Variants in CD48 observed in about 807,000 individuals in gnomAD.
CD48 encodes CD48 molecule.
CD48 carries 20 observed loss-of-function variants against 22.0 expected under a neutral mutation model. The ratio of observed to expected loss-of-function variants is 0.91; its 90% CI spans 0.64 to 1.32. The LOEUF (loss-of-function observed/expected upper bound fraction) is 1.32, where lower values mean the gene tolerates loss of function less well. Among genes scored for constraint, CD48 ranks in the 40% most tolerant of loss-of-function variants. The pLI, the probability that CD48 is intolerant of heterozygous loss-of-function variation, is 0.00. For missense variants in CD48, 307 were observed against 286.5 expected (o/e 1.07, Z -0.52); for synonymous variants, 110 against 110.1 (o/e 1.00, Z 0.01).
At position 160,680,904 on chromosome 1, in the gene CD48, C is replaced by T; in HGVS notation, c.652+298G>A. ...TGTTTCAGTCTACTCTATGATGACC[C>T]TGGCCTCAGATGTTAGGACTATGCT... On this transcript the variant is annotated intron_variant, in intron 3 of 3. Transcript: ENST00000368046. 5 of 1,416,216 alleles carry T rather than the reference C, an allele frequency of 3.5e-6. No homozygotes were observed. The South Asian group carries it at 4.7e-5, about 13-fold the overall frequency. The allele number at this position is 1,416,216 out of a possible 1,614,324, so 87.7% of individuals were successfully genotyped here. A position where few individuals can be genotyped will look rare whatever the true frequency, so the allele number is the denominator to read the frequency against.
Position 160,685,181 on chromosome 1 carries a change from C to G in CD48, c.91G>C (p.Val31Leu). 1.2e-6 allele frequency: 2 copies of G among 1,604,266 alleles called. No homozygotes were observed. Among genetic ancestry groups the G allele is most frequent in the Non-Finnish European group, 1.7e-6 (2 of 1,173,034 alleles). Residue 31 changes from valine (V) to leucine (L), a missense_variant, in exon 2 of 4, where the codon GTA becomes CTA. Physicochemically the swap from Val to Leu is conservative, Grantham distance 32 (BLOSUM62 1). Transcript: ENST00000368046. ...LLVTSIQGHL[V>L]HMTVVSGSNV... The stretch of plus-strand genomic sequence containing the variant: ...CTGCCGGAGACCACGGTCATATGTA[C>G]CAAGTGACCTGCCAATGAGATTCAG...
chr1:160,683,454 TC>T (rs1429541438), intron 2 of CD48: 2 of 152,198 alleles, frequency 1.3e-5, no homozygotes, highest in South Asian at 2.1e-4. Flanking sequence ...TTTATTGAAA[TC>T]AACTGTGGTA....
chr1:160,697,926 A>G (rs1662490159), intron 1 of CD48, among the ~76,000 whole-genome samples: 1 of 152,182 alleles, frequency 6.6e-6, no homozygotes, highest in Non-Finnish European at 1.5e-5. Flanking sequence ...CAGTCTTTCT[A>G]CCTTTGGGAA....
In CD48 at chr1:160,684,903, G is replaced by A; in HGVS notation, c.369C>T (p.Ile123=). Residue 123 remains isoleucine, a synonymous_variant, in exon 2 of 4, where the codon ATC becomes ATT. Transcript: ENST00000368046. ...CTGACTCACCAAGCACTTGCAGCTT[G>A]ATCTTCCATTCTTGCTCATTCCCAG... The part of the protein sequence containing the change: ...KKTGNEQEWK[I]KLQVLDPVPK... 1 of 1,614,056 alleles carries A rather than the reference G, an allele frequency of 6.2e-7. No individual in the cohort carries two copies. The highest frequency in any genetic ancestry group is 8.5e-7 in the Non-Finnish European group (1 of 1,180,024).
intron 2 of CD48, among the ~76,000 whole-genome samples, chr1:160,682,648 C>T (rs1251554389): frequency 6.6e-6 from 1 of 151,972 alleles, no homozygotes; most frequent in African/African-American, 2.4e-5. Flanking sequence ...GTAGTTAACC[C>T]CCTTGCTGTC....
chr1:160,711,515 GC>G (rs1168444676), intron 1 of CD48, among the ~76,000 whole-genome samples, 166 bp downstream of exon 1: 6 of 152,142 alleles, frequency 3.9e-5, no homozygotes, highest in Non-Finnish European at 8.8e-5. Flanking sequence ...ATTCATCAGT[GC>G]TAAGAAAGGC....
At chr1:160,703,211 G>A (rs555834304) in intron 1 of CD48, among the ~76,000 whole-genome samples, 7 of 152,256 alleles carry the variant, frequency 4.6e-5, no homozygotes, top group South Asian at 4.1e-4. Flanking sequence ...TATGGAATAC[G>A]GAATTGTAAA....
chr1:160,684,598 C>T, intron 2 of CD48: 3 of 892,076 alleles, frequency 3.4e-6, no homozygotes, highest in Non-Finnish European at 5.0e-6. Flanking sequence ...TTAGGTTGAT[C>T]ACAGGACAAA....
chr1:160,687,294 A>G (rs1457321957), intron 1 of CD48, among the ~76,000 whole-genome samples: 2 of 152,092 alleles, frequency 1.3e-5, no homozygotes, highest in African/African-American at 4.8e-5. Context: ...CCCAGATTTC[A>G]TATTGTTTAA....
chr1:160,695,352 C>T (rs546724897), intron 1 of CD48, among the ~76,000 whole-genome samples: 12 of 152,380 alleles, frequency 7.9e-5, no homozygotes, highest in Admixed American at 7.8e-4. Flanking sequence ...AATTAATTGA[C>T]TGTTATACAT....
chr1:160,692,449 C>T (rs1662255796), intron 1 of CD48, among the ~76,000 whole-genome samples: 1 of 152,142 alleles, frequency 6.6e-6, no homozygotes, highest in South Asian at 2.1e-4. Flanking sequence ...TTCAGCAGGT[C>T]AGGTGACCGT....
At chr1:160,703,076 A>G (rs958873497) in intron 1 of CD48, among the ~76,000 whole-genome samples, 2 of 152,178 alleles carry the variant, frequency 1.3e-5, no homozygotes, top group African/African-American at 2.4e-5. Context: ...TGGTAAGGGC[A>G]TCAAAGTTTA....
intron 1 of CD48, among the ~76,000 whole-genome samples, chr1:160,705,621 C>T (rs1448719691): frequency 6.6e-6 from 1 of 152,144 alleles, no homozygotes; most frequent in Non-Finnish European, 1.5e-5. Flanking sequence ...GAGCATACAG[C>T]CTAGGAGGAC....
intron 1 of CD48, among the ~76,000 whole-genome samples, chr1:160,691,304 G>A (rs1224646572): frequency 6.6e-6 from 1 of 152,186 alleles, no homozygotes; most frequent in African/African-American, 2.4e-5. Context: ...CCTGGGCAAT[G>A]GAATGTCTCG....
chr1:160,692,367 A>G (rs897081336), intron 1 of CD48: 1 of 152,204 alleles, frequency 6.6e-6, no homozygotes, highest in Non-Finnish European at 1.5e-5. Flanking sequence ...ATCCTGAAAC[A>G]TTAAAATTAG....
chr1:160,692,806 C>A (rs9793392), intron 1 of CD48, among the ~76,000 whole-genome samples: 43,055 of 149,630 alleles, frequency 0.29, 4,872 homozygotes, highest in Non-Finnish European at 0.37. Flanking sequence ...AGGCCAGATA[C>A]AAGTCTTTTT....
chr1:160,694,259 A>G, intron 1 of CD48, among the ~76,000 whole-genome samples: 1 of 152,234 alleles, frequency 6.6e-6, no homozygotes, highest in Non-Finnish European at 1.5e-5. Flanking sequence ...AGGGTTTGGA[A>G]GCACTGATCC....
intron 1 of CD48, among the ~76,000 whole-genome samples, chr1:160,697,111 T>C (rs1210192738): frequency 6.8e-6 from 1 of 147,694 alleles, no homozygotes; most frequent in Admixed American, 6.8e-5. Flanking sequence ...CTGCAGAACA[T>C]CTTACTGGTA....
At chr1:160,689,333 T>A (rs1382367168) in intron 1 of CD48, among the ~76,000 whole-genome samples, 1 of 151,510 alleles carries the variant, frequency 6.6e-6, no homozygotes, top group Non-Finnish European at 1.5e-5. Flanking sequence ...TGCAGGAGCA[T>A]CTATCTAGGT....
Sources: allele counts gnomAD v4.1 joint callset (sites outside exome capture counted in the v4.1 genomes callset), GRCh38; gene constraint gnomAD v4.1.1; transcripts MANE v1.5; gene names NCBI Gene and HGNC (gene_info 2026-07-23, HGNC 2026-07-21).